PDZRN4: variants seen among roughly 807,000 people sequenced by gnomAD.
PDZRN4 encodes the protein PDZ domain containing ring finger 4, also known as PDZ domain-containing RING finger protein 4.
In PDZRN4, 70 loss-of-function variants were observed where a neutral mutation model predicts 99.0. That is an observed-to-expected ratio of 0.71 (90% CI 0.58 to 0.86). The LOEUF (loss-of-function observed/expected upper bound fraction) is 0.86, where lower values mean the gene tolerates loss of function less well. Among genes scored for constraint, PDZRN4 ranks in the 40% least tolerant of loss-of-function variants. The pLI is 0.00. For synonymous variants in PDZRN4, 551 were observed against 501.6 expected, an observed-to-expected ratio of 1.10 and a Z score of -1.32; for missense variants, 1,474 against 1,331.2, an observed-to-expected ratio of 1.11 and a Z score of -1.67.
chr12:41,239,571 G>C (rs986198498), intron 3 of PDZRN4, among the ~76,000 whole-genome samples: 1 of 152,166 alleles, frequency 6.6e-6, no homozygotes, highest in Non-Finnish European at 1.5e-5. Context: ...ATGCTTTACT[G>C]TGTTCAATTC....
chr12:41,281,151 C>G lies in PDZRN4; in HGVS notation c.843+86963C>G, dbSNP rs1161928295. On this transcript the variant is annotated intron_variant, in intron 3 of 9. Transcript: ENST00000402685. The stretch of plus-strand genomic sequence containing the variant: ...GACTGTTAGAAGGAAGACTAACAAA[C>G]AGAAAGCAGTATCATCAACATCAAC... Among the ~76,000 whole-genome samples, 3 of 149,402 alleles carry G rather than the reference C, an allele frequency of 2.0e-5. 1 individual carries two copies. The highest frequency in any genetic ancestry group is 4.5e-5 in the Non-Finnish European group (3 of 66,518).
chr12:41,521,127 T>C (rs1360647085), intron 5 of PDZRN4, among the ~76,000 whole-genome samples: 1 of 152,170 alleles, frequency 6.6e-6, no homozygotes, highest in African/African-American at 2.4e-5. Context: ...CTCTCAAATA[T>C]TCTTTTGCCT....
intron 5 of PDZRN4, among the ~76,000 whole-genome samples, chr12:41,544,707 G>A (rs1938916814): frequency 6.6e-6 from 1 of 152,140 alleles, no homozygotes; most frequent in South Asian, 2.1e-4. Context: ...AAGCTACTAA[G>A]CATCAGTGAA....
intron 5 of PDZRN4, among the ~76,000 whole-genome samples, chr12:41,544,548 A>T (rs1938914288): frequency 6.6e-6 from 1 of 152,214 alleles, no homozygotes; most frequent in Non-Finnish European, 1.5e-5. Flanking sequence ...TTTGTTTCAT[A>T]TCTAATGCTG....
At chr12:41,325,625 G>A (rs1444234963) in intron 3 of PDZRN4, among the ~76,000 whole-genome samples, 1 of 152,114 alleles carries the variant, frequency 6.6e-6, no homozygotes, top group African/African-American at 2.4e-5. Flanking sequence ...TTAGTTAAGA[G>A]CAACACTCAA....
chr12:41,479,139 A>G, intron 3 of PDZRN4, among the ~76,000 whole-genome samples: 1 of 152,208 alleles, frequency 6.6e-6, no homozygotes, highest in African/African-American at 2.4e-5. Flanking sequence ...ACTTTTACCA[A>G]TGACATATTA....
At chr12:41,531,117 A>T (rs1938654545) in intron 5 of PDZRN4, among the ~76,000 whole-genome samples, 1 of 152,158 alleles carries the variant, frequency 6.6e-6, no homozygotes, top group African/African-American at 2.4e-5. Flanking sequence ...TGTTGCAAGG[A>T]CAGAGGGCTT....
chr12:41,244,666 T>A lies in PDZRN4; in HGVS notation c.843+50478T>A, dbSNP rs1951121969. On this transcript the variant is annotated intron_variant, in intron 3 of 9. Coordinates refer to ENST00000402685, the MANE Select transcript of PDZRN4 (RefSeq NM_001164595.2). ...AGGCCTTCACCCAAGCACACCAATGTCTTTTTTTTTTTTTTTTTTTTTTCT... is the reference window on the plus strand; with the variant it reads ...AGGCCTTCACCCAAGCACACCAATGACTTTTTTTTTTTTTTTTTTTTTTCT... 2.6e-5 allele frequency among the ~76,000 whole-genome samples: 3 copies of A among 116,092 alleles called. No homozygotes were observed. In the South Asian group the frequency reaches 9.5e-4, roughly 37 times the overall value. 76.2% of individuals were successfully genotyped at this position (116,092 alleles called of 152,430 possible).
intron 2 of PDZRN4, 106 bp from the exon 3 acceptor site, chr12:41,193,975 G>C (rs1950753806): frequency 1.6e-6 from 1 of 631,018 alleles, no homozygotes; most frequent in Admixed American, 2.7e-5. Context: ...AGCTAAGAGA[G>C]TTGCAGGTTT....
rs1402769191 is a variant in PDZRN4, at chr12:41,188,320, A to T, written c.-136A>T. 9.2e-6 allele frequency: 7 copies of T among 758,374 alleles called. No individual in the cohort carries two copies. The Admixed American group carries it at 1.8e-4, about 20-fold the overall frequency. 47.0% of individuals were successfully genotyped at this position (758,374 alleles called of 1,614,324 possible). On this transcript the variant is annotated 5_prime_UTR_variant, in exon 1 of 10. Coordinates refer to ENST00000402685, the MANE Select transcript of PDZRN4 (RefSeq NM_001164595.2). ...AACTTCAAGCCAAACAAACAGTGAG[A>T]TCACACCTCCCACCCGCCACCTCCC...
rs1405892790 is a variant in PDZRN4, at chr12:41,274,145, C to T, written c.843+79957C>T. 5.3e-5 allele frequency among the ~76,000 whole-genome samples: 8 copies of T among 151,904 alleles called. No homozygotes were observed. The East Asian group carries it at 1.2e-3, about 22-fold the overall frequency. On this transcript the variant is annotated intron_variant, in intron 3 of 9. Transcript: ENST00000402685. Reference sequence around the variant, plus strand: ...CAATAAGTGGTAGAATAAATTGTAGCCACATGTCAAAAAGTAGGTCATCCT... The same window carrying T: ...CAATAAGTGGTAGAATAAATTGTAGTCACATGTCAAAAAGTAGGTCATCCT...
intron 3 of PDZRN4, among the ~76,000 whole-genome samples, chr12:41,426,694 T>C (rs1952540169): frequency 6.6e-6 from 1 of 152,246 alleles, no homozygotes; most frequent in Admixed American, 6.5e-5. Flanking sequence ...GTTTCTTAAA[T>C]GTTAGTTTCC....
chr12:41,371,832 A>G (rs1952044455), intron 3 of PDZRN4, among the ~76,000 whole-genome samples: 1 of 152,114 alleles, frequency 6.6e-6, no homozygotes, highest in South Asian at 2.1e-4. Flanking sequence ...CCTTTGTTTT[A>G]TGCATGATGA....
chr12:41,474,575 A>G (rs1231317251), intron 3 of PDZRN4, among the ~76,000 whole-genome samples: 1 of 152,208 alleles, frequency 6.6e-6, no homozygotes, highest in East Asian at 1.9e-4. Context: ...CTGTGTTCTT[A>G]TGCACTCTTC....
At chr12:41,220,886 A>C (rs1471805797) in intron 3 of PDZRN4, among the ~76,000 whole-genome samples, 5 of 152,186 alleles carry the variant, frequency 3.3e-5, no homozygotes, top group Non-Finnish European at 5.9e-5. Flanking sequence ...AGAGAAAAGC[A>C]TCTATTTTAG....
At chr12:41,393,435 C>CAT (rs1396447667) in intron 3 of PDZRN4, among the ~76,000 whole-genome samples, 2 of 151,758 alleles carry the variant, frequency 1.3e-5, no homozygotes, top group African/African-American at 2.4e-5. Flanking sequence ...ATGCCTCACT[C>CAT]ATATATATAT....
At chr12:41,283,582 G>A (rs115581967) in intron 3 of PDZRN4, among the ~76,000 whole-genome samples, 1,894 of 152,144 alleles carry the variant, frequency 0.012, 38 homozygotes, top group African/African-American at 0.043. Context: ...ACCAATATCC[G>A]TGATAAACAT....
At chr12:41,400,842 G>A (rs894821604) in intron 3 of PDZRN4, among the ~76,000 whole-genome samples, 1 of 152,108 alleles carries the variant, frequency 6.6e-6, no homozygotes, top group Admixed American at 6.6e-5. Flanking sequence ...TCATTCCAGG[G>A]AAATATAGCC....
chr12:41,496,145 A>T (rs1252010855), intron 3 of PDZRN4, among the ~76,000 whole-genome samples: 1 of 152,026 alleles, frequency 6.6e-6, no homozygotes, highest in Non-Finnish European at 1.5e-5. Context: ...CTGTTCTTGG[A>T]TGTGATTGAG....
Sources: allele counts gnomAD v4.1 joint callset (sites outside exome capture counted in the v4.1 genomes callset), GRCh38; gene constraint gnomAD v4.1.1; transcripts MANE v1.5; gene names NCBI Gene and HGNC (gene_info 2026-07-23, HGNC 2026-07-21).